ITGA8: variants seen among roughly 807,000 people sequenced by gnomAD.
The protein encoded by ITGA8 is integrin subunit alpha 8.
Under a neutral mutation model 142.3 loss-of-function variants are expected in ITGA8, and 91 were observed. The ratio of observed to expected loss-of-function variants is 0.64; its 90% confidence interval spans 0.54 to 0.76. The LOEUF is 0.76. ITGA8 is among the 30% of genes least tolerant of loss of function. The pLI, the probability that ITGA8 is intolerant of heterozygous loss-of-function variation, is 0.00. For synonymous variants in ITGA8, 505 were observed against 485.2 expected, an observed-to-expected ratio of 1.04 and a Z score of -0.54; for missense variants, 1,406 against 1,327.7, an observed-to-expected ratio of 1.06 and a Z score of -0.92.
intron 2 of ITGA8, among the ~76,000 whole-genome samples, chr10:15,709,907 T>C (rs1835332525): frequency 6.6e-6 from 1 of 152,224 alleles, no homozygotes; most frequent in Non-Finnish European, 1.5e-5. Context: ...AGGTACTTTA[T>C]ATAAATAAAT....
intron 25 of ITGA8, among the ~76,000 whole-genome samples, chr10:15,569,837 T>C (rs1213713224): frequency 6.6e-6 from 1 of 152,218 alleles, no homozygotes; most frequent in African/African-American, 2.4e-5. Flanking sequence ...ATTATTTGTT[T>C]TTCACTAAAG....
intron 13 of ITGA8, among the ~76,000 whole-genome samples, chr10:15,638,635 G>A (rs1833814654): frequency 1.3e-5 from 2 of 152,168 alleles, no homozygotes; most frequent in African/African-American, 4.8e-5. Flanking sequence ...GGCTTCTCAG[G>A]GGTGTTCCAT....
intron 27 of ITGA8, among the ~76,000 whole-genome samples, chr10:15,541,647 G>C (rs1053580514): frequency 6.6e-6 from 1 of 152,162 alleles, no homozygotes; most frequent in Non-Finnish European, 1.5e-5. Context: ...AGTATCCTGT[G>C]TCAGGTGATA....
intron 2 of ITGA8, among the ~76,000 whole-genome samples, chr10:15,704,200 GTCAACATTTT>G (rs1835217162): frequency 6.6e-6 from 1 of 151,982 alleles, no homozygotes; most frequent in Non-Finnish European, 1.5e-5. Flanking sequence ...CCTAGTTATG[GTCAACATTTT>G]CTTTAGCCTC....
At chr10:15,670,826 T>A (rs1000196858) in intron 8 of ITGA8, among the ~76,000 whole-genome samples, 3 of 152,214 alleles carry the variant, frequency 2.0e-5, no homozygotes, top group Admixed American at 2.0e-4. Flanking sequence ...GAGCCCAGAC[T>A]TTGCTCGAAG....
In ITGA8 at chr10:15,514,422, CAG is replaced by C. The variant is rs1280537055; in HGVS notation, c.*2734_*2735del. 3 of 151,852 alleles carry C rather than the reference CAG, an allele frequency of 2.0e-5. No homozygotes were observed. The highest frequency in any genetic ancestry group is 4.8e-5 in the African/African-American group (2 of 41,316). The allele number at this position is 151,852 out of a possible 1,614,324, so 9.4% of individuals were successfully genotyped here. On this transcript the variant is annotated 3_prime_UTR_variant, in exon 30 of 30. Transcript: ENST00000378076. ...TATTTTATTTATTTTTTTGTTGAGA[CAG>C]AGTTTCCCTCTGTCGCCCAGGCTGG...
intron 25 of ITGA8, among the ~76,000 whole-genome samples, chr10:15,563,124 A>G (rs1330682787): frequency 2.1e-5 from 3 of 140,678 alleles, no homozygotes; most frequent in Admixed American, 7.7e-5. Flanking sequence ...GTCTTCTGCT[A>G]TGAGTAAAAG....
intron 8 of ITGA8, among the ~76,000 whole-genome samples, chr10:15,666,532 G>T (rs558388247): frequency 6.6e-6 from 1 of 151,988 alleles, no homozygotes. Context: ...CCTGATTGCC[G>T]TGGCCAGAAC....
chr10:15,681,619 G>A (rs1834739525), intron 4 of ITGA8, among the ~76,000 whole-genome samples: 1 of 152,158 alleles, frequency 6.6e-6, no homozygotes, highest in African/African-American at 2.4e-5. Context: ...ATCCCACACA[G>A]GTAGTCTGGC....
chr10:15,702,752 T>C lies in ITGA8; in HGVS notation c.344-14714A>G, dbSNP rs141132793. On this transcript the variant is annotated intron_variant, in intron 2 of 29. Transcript: ENST00000378076. ...CTTTTTTCCTTGTTTGCCAACTTGT[T>C]CAAATCACTCCTTAAAAGCCCATTT... 6.4e-4 allele frequency among the ~76,000 whole-genome samples: 98 copies of C among 152,328 alleles called. 1 individual carries two copies. Among genetic ancestry groups the C allele is most frequent in the Middle Eastern group, 3.4e-3 (1 of 294 alleles).
chr10:15,646,258 G>A (rs1172433437), intron 12 of ITGA8, among the ~76,000 whole-genome samples: 1 of 152,194 alleles, frequency 6.6e-6, no homozygotes, highest in African/African-American at 2.4e-5. Context: ...AAATATTTCT[G>A]CAAGTAAACA....
intron 19 of ITGA8, among the ~76,000 whole-genome samples, chr10:15,605,511 G>T (rs1425445071): frequency 6.6e-6 from 1 of 151,998 alleles, no homozygotes; most frequent in East Asian, 1.9e-4. Flanking sequence ...AAGATGAAAC[G>T]ACCCAGGCAA....
intron 8 of ITGA8, among the ~76,000 whole-genome samples, chr10:15,665,547 T>C (rs1282229538): frequency 2.2e-5 from 3 of 134,686 alleles, no homozygotes; most frequent in Non-Finnish European, 3.3e-5. Flanking sequence ...AATTTTGGCT[T>C]TTGTTGCCAT....
At chr10:15,704,214 T>C (rs536198891) in intron 2 of ITGA8, among the ~76,000 whole-genome samples, 4 of 152,316 alleles carry the variant, frequency 2.6e-5, no homozygotes, top group African/African-American at 9.6e-5. Context: ...ACATTTTCTT[T>C]AGCCTCTGTT....
chr10:15,664,713 G>C (rs577864017), intron 8 of ITGA8, among the ~76,000 whole-genome samples: 4 of 130,020 alleles, frequency 3.1e-5, no homozygotes, highest in African/African-American at 1.2e-4. Context: ...TCCCCTTCCT[G>C]TGTCCATGTG....
At chr10:15,529,945 T>C (rs1322005658) in intron 28 of ITGA8, among the ~76,000 whole-genome samples, 2 of 152,224 alleles carry the variant, frequency 1.3e-5, no homozygotes, top group Non-Finnish European at 2.9e-5. Context: ...GCCATTGATC[T>C]GCAATCACAT....
chr10:15,566,947 C>G (rs971026867), intron 25 of ITGA8, among the ~76,000 whole-genome samples: 15 of 147,488 alleles, frequency 1.0e-4, no homozygotes, highest in African/African-American at 3.7e-4. Context: ...CACCTGAGGT[C>G]AAGGGTTCGA....
At chr10:15,607,895 G>T in intron 16 of ITGA8, 64 bp from the exon 17 acceptor site, 1 of 1,369,348 alleles carries the variant, frequency 7.3e-7, no homozygotes, top group Non-Finnish European at 1.0e-6. Flanking sequence ...TCAGAGAGAT[G>T]AATTTCTATT....
chr10:15,570,182 T>C (rs1157734819), intron 25 of ITGA8, among the ~76,000 whole-genome samples: 1 of 152,238 alleles, frequency 6.6e-6, no homozygotes, highest in Non-Finnish European at 1.5e-5. Flanking sequence ...AAGGGAGATA[T>C]TACTTTATAT....
Sources: gnomAD v4.1 joint callset for allele counts (sites outside exome capture counted in the v4.1 genomes callset) on GRCh38, gnomAD v4.1.1 for gene constraint, MANE v1.5 for transcripts, NCBI Gene and HGNC (gene_info 2026-07-23, HGNC 2026-07-21) for gene names.